ADAMTSL1: variants seen among roughly 807,000 people sequenced by gnomAD.
ADAMTSL1 encodes ADAMTS like 1.
Under a neutral mutation model 201.8 loss-of-function variants are expected in ADAMTSL1, and 126 were observed. That is an observed-to-expected ratio of 0.62 (90% CI 0.54 to 0.72). ADAMTSL1 has a LOEUF of 0.72. Ranked by LOEUF, ADAMTSL1 falls within the 30% of genes least tolerant of loss-of-function variation. ADAMTSL1 has a pLI of 0.00. For missense variants in ADAMTSL1, 2,679 were observed against 2,277.8 expected (o/e 1.18, Z -3.59); for synonymous variants, 1,121 against 903.4 (o/e 1.24, Z -4.32).
intron 2 of ADAMTSL1, among the ~76,000 whole-genome samples, chr9:18,186,990 C>T (rs1828767054): frequency 6.6e-6 from 1 of 152,238 alleles, no homozygotes; most frequent in East Asian, 1.9e-4. Flanking sequence ...AATCCCATGT[C>T]TAACTCTGGA....
intron 5 of ADAMTSL1, among the ~76,000 whole-genome samples, chr9:18,629,285 G>T (rs10963680): frequency 6.6e-6 from 1 of 151,808 alleles, no homozygotes; most frequent in African/African-American, 2.4e-5. Context: ...ATACAATAGT[G>T]AATAGGAATG....
chr9:18,829,406 A>T (rs111367901), intron 22 of ADAMTSL1, among the ~76,000 whole-genome samples: 6 of 152,210 alleles, frequency 3.9e-5, no homozygotes, highest in African/African-American at 1.2e-4. Context: ...CTGTGTGGAC[A>T]ATAACAGAGT....
intron 1 of ADAMTSL1, among the ~76,000 whole-genome samples, chr9:18,081,272 A>C (rs1260581388): frequency 6.6e-6 from 1 of 152,164 alleles, no homozygotes. Context: ...TGTGTATGCT[A>C]TGTATCCCCA....
chr9:18,180,861 C>G (rs1373164890), intron 2 of ADAMTSL1, among the ~76,000 whole-genome samples: 1 of 152,160 alleles, frequency 6.6e-6, no homozygotes, highest in African/African-American at 2.4e-5. Context: ...AAGCTGGAGG[C>G]ATCACACTAC....
At chr9:17,954,462 C>T (rs1827851132) in intron 1 of ADAMTSL1, among the ~76,000 whole-genome samples, 1 of 152,094 alleles carries the variant, frequency 6.6e-6, no homozygotes, top group African/African-American at 2.4e-5. Context: ...ATTAGATAGA[C>T]TTCTATTTCA....
chr9:18,076,721 G>A (rs1823245224), intron 1 of ADAMTSL1, among the ~76,000 whole-genome samples: 1 of 152,104 alleles, frequency 6.6e-6, no homozygotes, highest in African/African-American at 2.4e-5. Flanking sequence ...TAACGGCTGG[G>A]AGACAGGATT....
At position 18,726,725 on chromosome 9, in the gene ADAMTSL1, C is replaced by T. The variant is rs138291622; in HGVS notation, c.2006+5060C>T. Among the ~76,000 whole-genome samples the T allele has an allele frequency of 3.6e-4, 55 of 152,272 alleles. 1 individual carries two copies. Among genetic ancestry groups the T allele is most frequent in the African/African-American group, 1.3e-3 (54 of 41,568 alleles). On this transcript the variant is annotated intron_variant, in intron 15 of 28. Coordinates refer to ENST00000380548, the MANE Select transcript of ADAMTSL1 (RefSeq NM_001040272.6). ...TTAAGTAAGCAATGAAAGCCAGATG[C>T]TGAAAATGAAGGAAATTCCAAGCAA...
At chr9:18,642,197 T>C (rs549891968) in intron 7 of ADAMTSL1, among the ~76,000 whole-genome samples, 1 of 152,100 alleles carries the variant, frequency 6.6e-6, no homozygotes, top group South Asian at 2.1e-4. Flanking sequence ...AACAGCTATC[T>C]GAAGATTTTT....
chr9:18,655,874 A>G (rs932947153), intron 7 of ADAMTSL1, among the ~76,000 whole-genome samples: 2 of 150,764 alleles, frequency 1.3e-5, no homozygotes, highest in African/African-American at 4.9e-5. Context: ...CTACATCCCT[A>G]AGCAAGCAAT....
chr9:18,893,338 A>G (rs370571883), intron 26 of ADAMTSL1, among the ~76,000 whole-genome samples: 2 of 152,150 alleles, frequency 1.3e-5, no homozygotes, highest in Non-Finnish European at 2.9e-5. Flanking sequence ...TGTGTCATCA[A>G]GGTCACTCAA....
At chr9:18,670,153 A>C (rs777805699) in intron 9 of ADAMTSL1, among the ~76,000 whole-genome samples, 13 of 152,110 alleles carry the variant, frequency 8.5e-5, no homozygotes, top group Non-Finnish European at 1.8e-4. Flanking sequence ...AATTTTGTTC[A>C]TTTTTTAAAA....
intron 2 of ADAMTSL1, among the ~76,000 whole-genome samples, chr9:18,335,067 G>A (rs1267041678): frequency 6.6e-6 from 1 of 152,042 alleles, no homozygotes; most frequent in South Asian, 2.1e-4. Flanking sequence ...GTTACGTAAG[G>A]CATTATGAAA....
chr9:18,154,385 A>G (rs1827054384), intron 1 of ADAMTSL1, among the ~76,000 whole-genome samples: 1 of 152,092 alleles, frequency 6.6e-6, no homozygotes, highest in Non-Finnish European at 1.5e-5. Flanking sequence ...TAGAATGTTC[A>G]GGATGGTTCA....
intron 1 of ADAMTSL1, among the ~76,000 whole-genome samples, chr9:17,978,186 G>C (rs1340682579): frequency 2.6e-5 from 4 of 151,988 alleles, no homozygotes; most frequent in Non-Finnish European, 5.9e-5. Context: ...ATCCATGTGT[G>C]TCCTTAAAGC....
intron 1 of ADAMTSL1, among the ~76,000 whole-genome samples, chr9:18,157,793 A>G (rs1022865767): frequency 6.6e-6 from 1 of 151,970 alleles, no homozygotes; most frequent in African/African-American, 2.4e-5. Flanking sequence ...CACCCCCACG[A>G]TCTTCTTGGG....
intron 3 of ADAMTSL1, among the ~76,000 whole-genome samples, chr9:18,571,220 T>C (rs1822274297): frequency 6.6e-6 from 1 of 152,162 alleles, no homozygotes; most frequent in South Asian, 2.1e-4. Flanking sequence ...TTATCAGAAT[T>C]GGAAACGTGC....
chr9:18,262,324 A>G (rs1831955798), intron 2 of ADAMTSL1, among the ~76,000 whole-genome samples: 1 of 152,238 alleles, frequency 6.6e-6, no homozygotes. Flanking sequence ...CACAGCTTCA[A>G]CCAATGCATG....
At chr9:18,489,821 A>C (rs1822180358) in intron 1 of ADAMTSL1, among the ~76,000 whole-genome samples, 1 of 152,206 alleles carries the variant, frequency 6.6e-6, no homozygotes, top group South Asian at 2.1e-4. Flanking sequence ...TTAGACATAA[A>C]GAGATACTAA....
intron 1 of ADAMTSL1, among the ~76,000 whole-genome samples, chr9:17,982,088 G>A (rs948398748): frequency 6.6e-6 from 1 of 152,148 alleles, no homozygotes; most frequent in Non-Finnish European, 1.5e-5. Flanking sequence ...TTTCCATATG[G>A]ATAGTTCTCT....
Sources: gnomAD v4.1 joint callset for allele counts (sites outside exome capture counted in the v4.1 genomes callset) on GRCh38, gnomAD v4.1.1 for gene constraint, MANE v1.5 for transcripts, NCBI Gene and HGNC (gene_info 2026-07-23, HGNC 2026-07-21) for gene names.